Variants in COQ8A observed in about 807,000 individuals in gnomAD.
COQ8A encodes the protein atypical kinase COQ8A, mitochondrial.
In COQ8A, 51 loss-of-function variants were observed where a neutral mutation model predicts 65.0. The ratio of observed to expected loss-of-function variants is 0.78; its 90% CI spans 0.63 to 0.99. The LOEUF is 0.99. Among genes scored for constraint, COQ8A ranks in the 50% least tolerant of loss-of-function variants. The pLI, the probability that COQ8A is intolerant of heterozygous loss-of-function variation, is 0.00. For missense variants in COQ8A, 940 were observed against 875.0 expected, an observed-to-expected ratio of 1.07 and a Z score of -0.94; for synonymous variants, 371 against 353.2, an observed-to-expected ratio of 1.05 and a Z score of -0.57.
chr1:226,942,174 A>G (rs1656743903), intron 1 of COQ8A, among the ~76,000 whole-genome samples: 1 of 151,996 alleles, frequency 6.6e-6, no homozygotes, highest in Admixed American at 6.6e-5. Flanking sequence ...CACTGAGGTA[A>G]AACTCTAAAA....
At chr1:226,979,442 G>C (rs1245696697) in intron 5 of COQ8A, among the ~76,000 whole-genome samples, 2 of 152,218 alleles carry the variant, frequency 1.3e-5, no homozygotes, top group African/African-American at 2.4e-5. Flanking sequence ...CTGGGGTGTG[G>C]AGAGCAGTGC....
intron 6 of COQ8A, chr1:226,982,361 T>C (rs888662415): frequency 1.7e-5 from 12 of 717,678 alleles, no homozygotes; most frequent in Non-Finnish European, 2.5e-5. Context: ...GAAAAATTGC[T>C]CTCTACAGGT....
intron 4 of COQ8A, among the ~76,000 whole-genome samples, chr1:226,974,632 TCA>T (rs1340290615): frequency 6.6e-6 from 1 of 152,182 alleles, no homozygotes; most frequent in East Asian, 1.9e-4. Context: ...CGGGAGGGCC[TCA>T]GTTTATTCTG....
chr1:226,984,992 C>G (rs755964743), intron 13 of COQ8A, 51 bp downstream of exon 13: 1 of 1,602,302 alleles, frequency 6.2e-7, no homozygotes, highest in Non-Finnish European at 8.5e-7. Context: ...GAGGCTGGGA[C>G]AGGATGCTGG....
intron 12 of COQ8A, 60 bp downstream of exon 12, chr1:226,984,715 G>C (rs1029570392): frequency 5.2e-6 from 8 of 1,541,680 alleles, no homozygotes; most frequent in Admixed American, 5.0e-5. Flanking sequence ...AATGGGGCAC[G>C]TGAGGCCCTG....
chr1:226,953,266 G>C (rs567913460), intron 1 of COQ8A, among the ~76,000 whole-genome samples: 10 of 152,164 alleles, frequency 6.6e-5, no homozygotes, highest in African/African-American at 2.2e-4. Flanking sequence ...CTGACTTCGT[G>C]ATCCACCAGC....
chr1:226,941,329 A>G (rs1656676217), intron 1 of COQ8A, among the ~76,000 whole-genome samples: 1 of 152,194 alleles, frequency 6.6e-6, no homozygotes. Context: ...AAAGGATTTG[A>G]ACATTCCTTG....
chr1:226,952,696 G>A (rs1657460111), intron 1 of COQ8A, among the ~76,000 whole-genome samples: 1 of 152,196 alleles, frequency 6.6e-6, no homozygotes, highest in Non-Finnish European at 1.5e-5. Context: ...ACAGGCGTGT[G>A]CCGCTTCACC....
rs1658967925 is a variant in COQ8A at position 226,972,615 on chromosome 1, C to G, written c.656-4834C>G. Reference sequence around the variant, plus strand: ...GCTGTTGGCTCTTGTTGCTTAATTTCCCAAAGATGCCAGTACACTTCGGAT... The same window carrying G: ...GCTGTTGGCTCTTGTTGCTTAATTTGCCAAAGATGCCAGTACACTTCGGAT... On this transcript the variant is annotated intron_variant, in intron 4 of 14. Coordinates refer to ENST00000366777, the MANE Select transcript of COQ8A (RefSeq NM_020247.5). This position sits in a 1 kb window ranked among gnomAD's most constrained non-coding sequence, Gnocchi z 4.3. 6.6e-6 allele frequency among the ~76,000 whole-genome samples: 1 copy of G among 152,118 alleles called. No individual in the cohort carries two copies. The highest frequency in any genetic ancestry group is 6.5e-5 in the Admixed American group (1 of 15,280).
rs747135135 is a variant in COQ8A at position 226,984,923 on chromosome 1, C to T, written c.1554C>T (p.Phe518=). The T allele has an allele frequency of 3.4e-5, 55 of 1,614,076 alleles. 1 individual carries two copies. The Admixed American group carries it at 8.8e-4, about 26-fold the overall frequency. The change falls in exon 13 of 15, where the codon TTC becomes TTT. Residue 518 remains phenylalanine (F), a synonymous_variant. Coordinates refer to ENST00000366777, the MANE Select transcript of COQ8A (RefSeq NM_020247.5). ...FGATREYDRS[F]TDLYIQIIRA... is the part of the protein sequence containing the mutation. ...CAACGCGGGAATATGACAGATCCTT[C>T]ACCGACCTCTACATTCAGGTAACTG...
chr1:226,981,485 G>C (rs1385906218), intron 5 of COQ8A, among the ~76,000 whole-genome samples: 2 of 152,252 alleles, frequency 1.3e-5, no homozygotes, highest in African/African-American at 4.8e-5. Flanking sequence ...GGCACCCCTG[G>C]GCTGTGCTGC....
intron 1 of COQ8A, among the ~76,000 whole-genome samples, chr1:226,960,245 CCTT>C (rs1658083606): frequency 3.0e-5 from 1 of 33,700 alleles, no homozygotes; most frequent in Non-Finnish European, 6.1e-5. Flanking sequence ...TGGTGGTGGT[CCTT>C]GGTGGTGGTG....
Position 226,983,138 on chromosome 1 carries a change from C to T in COQ8A, c.1080+104C>T, listed in dbSNP as rs1356210651. On this transcript the variant is annotated intron_variant, in intron 8 of 14. Transcript: ENST00000366777. ...TACACCCCACGTCCCGCAGGGCACC[C>T]TCTCTCCTGGCAGGGCCATATGTGG... 3.4e-6 allele frequency: 5 copies of T among 1,462,794 alleles called. No homozygotes were observed. The African/African-American group carries it at 5.7e-5, about 17-fold the overall frequency. 90.6% of individuals were successfully genotyped at this position (1,462,794 alleles called of 1,614,324 possible).
At position 226,942,309 on chromosome 1, in the gene COQ8A, A is replaced by G. The variant is rs138355490; in HGVS notation, c.-10+1910A>G. 3.5e-4 allele frequency among the ~76,000 whole-genome samples: 53 copies of G among 152,016 alleles called. No individual in the cohort carries two copies. The East Asian group carries it at 9.9e-3, about 28-fold the overall frequency. ...TGGTAAAAGCCATGTAGATTGGGCT[A>G]CCTGTGCACCTAGGAGGGCAGAGGC... On this transcript the variant is annotated intron_variant, in intron 1 of 14. Transcript: ENST00000366777.
At chr1:226,950,616 C>T (rs1027857097) in intron 1 of COQ8A, among the ~76,000 whole-genome samples, 1 of 152,140 alleles carries the variant, frequency 6.6e-6, no homozygotes. Flanking sequence ...AACACTGAGC[C>T]CAGAGCCTGG....
intron 8 of COQ8A, 59 bp from the exon 9 acceptor site, chr1:226,983,493 C>G (rs1172920857): frequency 6.6e-7 from 1 of 1,517,778 alleles, no homozygotes; most frequent in African/African-American, 1.4e-5. Context: ...GGGAGTGCCC[C>G]AGGCAGGGCC....
At chr1:226,968,854 C>T (rs1309359558) in intron 4 of COQ8A, among the ~76,000 whole-genome samples, 16 of 152,024 alleles carry the variant, frequency 1.1e-4, no homozygotes, top group Non-Finnish European at 2.4e-4. Context: ...ATGCTATGGG[C>T]AGGATGATCT....
At chr1:226,981,524 A>G (rs1659686973) in intron 5 of COQ8A, among the ~76,000 whole-genome samples, 1 of 152,198 alleles carries the variant, frequency 6.6e-6, no homozygotes, top group African/African-American at 2.4e-5. Context: ...TCCCTTGAGG[A>G]CAGCCCTCTG....
rs2297412 is a variant in COQ8A at position 226,982,597 on chromosome 1, A to G, written c.854-81A>G. 0.44 allele frequency: 642,405 copies of G among 1,456,398 alleles called. 146,381 individuals carry two copies. The highest frequency in any genetic ancestry group is 0.48 in the African/African-American group (34,039 of 71,618). 90.2% of individuals were successfully genotyped at this position (1,456,398 alleles called of 1,614,324 possible). A position where few individuals can be genotyped will look rare whatever the true frequency, so the allele number is the denominator to read the frequency against. ...GTGGGGAGGGTGTGGTGGCCAGGGCATCCCAGGAGTGTGCCCGCCCAGGTC... is the reference window on the plus strand; with the variant it reads ...GTGGGGAGGGTGTGGTGGCCAGGGCGTCCCAGGAGTGTGCCCGCCCAGGTC... On this transcript the variant is annotated intron_variant, in intron 6 of 14. Coordinates refer to ENST00000366777, the MANE Select transcript of COQ8A (RefSeq NM_020247.5).
Sources: allele counts gnomAD v4.1 joint callset (sites outside exome capture counted in the v4.1 genomes callset), GRCh38; gene constraint gnomAD v4.1.1; non-coding constraint Gnocchi (gnomAD v3.1); transcripts MANE v1.5; gene names NCBI Gene and HGNC (gene_info 2026-07-23, HGNC 2026-07-21).